Variants in HORMAD2 observed in about 807,000 individuals in gnomAD.
The protein encoded by HORMAD2 is HORMA domain-containing protein 2.
A neutral mutation model predicts 38.8 loss-of-function variants in HORMAD2; 45 were observed. The observed-to-expected ratio is 1.16, with a 90% CI of 0.91 to 1.49. The LOEUF (loss-of-function observed/expected upper bound fraction) is 1.49, where lower values mean the gene tolerates loss of function less well. Among genes scored for constraint, HORMAD2 ranks in the 40% most tolerant of loss-of-function variants. The probability of loss-of-function intolerance (pLI) is 0.00; values close to 1 mark genes in which losing one functional copy is unlikely to be tolerated. For synonymous variants in HORMAD2, 126 were observed against 122.8 expected (o/e 1.03, Z -0.17); for missense variants, 338 against 367.0 (o/e 0.92, Z 0.65).
At chr22:30,089,193 C>T (rs2068636844) in intron 1 of HORMAD2, among the ~76,000 whole-genome samples, 1 of 152,092 alleles carries the variant, frequency 6.6e-6, no homozygotes. Flanking sequence ...AATGGATACA[C>T]AAAAACCGGT....
At chr22:30,136,844 G>T in intron 10 of HORMAD2, 1 of 316,406 alleles carries the variant, frequency 3.2e-6, no homozygotes, top group East Asian at 6.6e-5. Context: ...AGACACCATG[G>T]AGAGGATAAA....
At chr22:30,178,431 A>C (rs967429480), downstream of HORMAD2, among the ~76,000 whole-genome samples, 3 of 152,244 alleles carry the variant, frequency 2.0e-5, no homozygotes, top group Non-Finnish European at 2.9e-5. Flanking sequence ...GGCTGGGCAC[A>C]CACGGAAGGA....
intron 4 of HORMAD2, 149 bp downstream of exon 4, chr22:30,103,649 A>ATT (rs71198524): frequency 0.011 from 857 of 75,100 alleles, 115 homozygotes; most frequent in East Asian, 0.015. Context: ...TCTGTTTTTG[A>ATT]TTTTTTTTTT....
At chr22:30,167,540 A>G (rs1925860487) in intron 10 of HORMAD2, among the ~76,000 whole-genome samples, 1 of 152,206 alleles carries the variant, frequency 6.6e-6, no homozygotes, top group Non-Finnish European at 1.5e-5. Context: ...TTTACTCATT[A>G]CAAGAACATT....
intron 10 of HORMAD2, among the ~76,000 whole-genome samples, chr22:30,153,139 T>G (rs1466766133): frequency 6.6e-6 from 1 of 152,122 alleles, no homozygotes; most frequent in Admixed American, 6.5e-5. Flanking sequence ...ATCATTCTCC[T>G]GCATTATCCT....
chr22:30,093,843 C>T, intron 1 of HORMAD2, 73 bp from the exon 2 acceptor site: 1 of 663,058 alleles, frequency 1.5e-6, no homozygotes, highest in Non-Finnish European at 2.5e-6. Flanking sequence ...TTTTCAGTTT[C>T]ATTTTTGGGC....
chr22:30,196,328 TC>T, the HORMAD2 span, among the ~76,000 whole-genome samples: 2 of 152,044 alleles, frequency 1.3e-5, no homozygotes, highest in East Asian at 3.9e-4. Flanking sequence ...GTAAGAAAAT[TC>T]CCCCATTCCT....
chr22:30,206,129 C>G, the HORMAD2 span, among the ~76,000 whole-genome samples: 4 of 150,964 alleles, frequency 2.6e-5, no homozygotes, highest in African/African-American at 9.7e-5. Flanking sequence ...CCCCCGCCTC[C>G]ATTTACAGAT....
rs112776173 is a variant in HORMAD2 at position 30,138,364 on chromosome 22, C to T, written c.819+16150C>T. On this transcript the variant is annotated intron_variant, in intron 10 of 10. Coordinates refer to ENST00000336726, the MANE Select transcript of HORMAD2 (RefSeq NM_152510.4). ...AAATATTTTTGTGGAGATGGGGTCT[C>T]GCCATGTTTCCTGGGCTGGTCTCGA... Among the ~76,000 whole-genome samples, 909 of 151,630 alleles carry T rather than the reference C, an allele frequency of 6.0e-3. 5 individuals carry two copies. Among genetic ancestry groups the T allele is most frequent in the African/African-American group, 0.018 (756 of 41,320 alleles).
the HORMAD2 span, among the ~76,000 whole-genome samples, chr22:30,204,421 G>A: frequency 1.3e-5 from 2 of 152,334 alleles, no homozygotes; most frequent in South Asian, 2.1e-4. Context: ...AGATGACAGA[G>A]GTGAAGTGGC....
the HORMAD2 span, among the ~76,000 whole-genome samples, chr22:30,190,844 C>T: frequency 6.6e-6 from 1 of 152,206 alleles, no homozygotes; most frequent in African/African-American, 2.4e-5. Flanking sequence ...AAAGAGGCTT[C>T]CTCCTGAGCT....
chr22:30,143,287 G>A (rs1015502665), intron 10 of HORMAD2, among the ~76,000 whole-genome samples: 9 of 151,904 alleles, frequency 5.9e-5, no homozygotes, highest in South Asian at 2.1e-4. Context: ...TTCTCAAGTC[G>A]GTTTGAATTA....
At chr22:30,199,480 C>A in the HORMAD2 span, among the ~76,000 whole-genome samples, 1 of 152,174 alleles carries the variant, frequency 6.6e-6, no homozygotes, top group Admixed American at 6.5e-5. Context: ...CACCTAAGTG[C>A]CCCAGATTCT....
rs1477351652 is a variant in HORMAD2, at chr22:30,125,237, T to TG, written c.819+3023_819+3024insG. ...TTTTCTTTTTTTTTTTTTTTTTTTTTTTTTTGAGACAGAGTTTCCTCTTGT... is the reference window on the plus strand; with the variant it reads ...TTTTCTTTTTTTTTTTTTTTTTTTTTGTTTTTGAGACAGAGTTTCCTCTTGT... On this transcript the variant is annotated intron_variant, in intron 10 of 10. Transcript: ENST00000336726. Among the ~76,000 whole-genome samples, 4 of 83,904 alleles carry TG rather than the reference T, an allele frequency of 4.8e-5. No individual in the cohort carries two copies. In the East Asian group the frequency reaches 9.7e-4, roughly 20 times the overall value. The allele number at this position is 83,904 out of a possible 152,430, so 55.0% of individuals were successfully genotyped here. A position where few individuals can be genotyped will look rare whatever the true frequency, so the allele number is the denominator to read the frequency against.
At chr22:30,203,597 T>C in the HORMAD2 span, among the ~76,000 whole-genome samples, 1 of 152,004 alleles carries the variant, frequency 6.6e-6, no homozygotes, top group Non-Finnish European at 1.5e-5. Flanking sequence ...ACACATACAT[T>C]CACCCTTCCG....
intron 3 of HORMAD2, 73 bp downstream of exon 3, chr22:30,099,066 G>T (rs372766311): frequency 3.8e-6 from 5 of 1,319,930 alleles, no homozygotes; most frequent in Admixed American, 2.7e-5. Flanking sequence ...AACCTTTCAC[G>T]TCTCACAAAG....
intron 10 of HORMAD2, among the ~76,000 whole-genome samples, chr22:30,175,117 T>G (rs1026382227): frequency 2.7e-5 from 4 of 149,256 alleles, no homozygotes; most frequent in African/African-American, 9.8e-5. Context: ...TAGTAACATA[T>G]CAATAATAAT....
the HORMAD2 span, among the ~76,000 whole-genome samples, chr22:30,202,965 G>C: frequency 6.6e-6 from 1 of 152,192 alleles, no homozygotes; most frequent in African/African-American, 2.4e-5. Flanking sequence ...CCCAGGGCAC[G>C]GTCTGGCCTA....
chr22:30,189,251 CTA>C, the HORMAD2 span, among the ~76,000 whole-genome samples: 1 of 152,078 alleles, frequency 6.6e-6, no homozygotes, highest in Non-Finnish European at 1.5e-5. Context: ...GGACAGGAAA[CTA>C]ATAAGCCCTT....
Sources: allele counts gnomAD v4.1 joint callset (sites outside exome capture counted in the v4.1 genomes callset), GRCh38; gene constraint gnomAD v4.1.1; transcripts MANE v1.5; gene names NCBI Gene and HGNC (gene_info 2026-07-23, HGNC 2026-07-21).